The following SEC14L1 variants were observed in gnomAD, a reference collection of about 807,000 sequenced individuals.
SEC14L1 encodes the protein SEC14-like protein 1.
A neutral mutation model predicts 85.3 loss-of-function variants in SEC14L1; 48 were observed. That is an observed-to-expected ratio of 0.56 (90% CI 0.45 to 0.72). SEC14L1 has a LOEUF of 0.72. Among genes scored for constraint, SEC14L1 ranks in the 30% least tolerant of loss-of-function variants. The pLI, the probability that SEC14L1 is intolerant of heterozygous loss-of-function variation, is 0.00. For synonymous variants in SEC14L1, 391 were observed against 355.5 expected (o/e 1.10, Z -1.12); for missense variants, 682 against 921.4 (o/e 0.74, Z 3.36).
At chr17:77,173,196 C>T (rs1281845860) in intron 3 of SEC14L1, among the ~76,000 whole-genome samples, 1 of 152,120 alleles carries the variant, frequency 6.6e-6, no homozygotes, top group Non-Finnish European at 1.5e-5. Flanking sequence ...GGGGCACTTC[C>T]CTTAAGGGGA....
At chr17:77,135,850 C>A in intron 3 of SEC14L1, among the ~76,000 whole-genome samples, 1 of 148,058 alleles carries the variant, frequency 6.8e-6, no homozygotes, top group East Asian at 2.1e-4. Flanking sequence ...CTCTCTCTTT[C>A]CTTCTTTCCT....
In SEC14L1 at chr17:77,214,527, G is replaced by A; in HGVS notation, c.*504G>A. The A allele has an allele frequency of 1.0e-6, 1 of 995,762 alleles. No individual in the cohort carries two copies. Among genetic ancestry groups the A allele is most frequent in the Non-Finnish European group, 1.2e-6 (1 of 835,656 alleles). 61.7% of individuals were successfully genotyped at this position (995,762 alleles called of 1,614,324 possible). A position where few individuals can be genotyped will look rare whatever the true frequency, so the allele number is the denominator to read the frequency against. On this transcript the variant is annotated 3_prime_UTR_variant, in exon 17 of 17. Coordinates refer to ENST00000436233, the MANE Select transcript of SEC14L1 (RefSeq NM_001143998.2). ...CCAGTCAAGATGGTCTGTGGACTTA[G>A]GGCCAGCCCTTGAGGTCCTTATCCT...
In SEC14L1 at chr17:77,213,706, C is replaced by G; in HGVS notation, c.2043-212C>G. The G allele has an allele frequency of 2.3e-6, 2 of 860,120 alleles. No homozygotes were observed. The allele number at this position is 860,120 out of a possible 1,614,324, so 53.3% of individuals were successfully genotyped here. On this transcript the variant is annotated intron_variant, in intron 16 of 16. Transcript: ENST00000436233. This position sits in a 1 kb window ranked among gnomAD's most constrained non-coding sequence, Gnocchi z 7.1. Reference sequence around the variant, plus strand: ...GTCGGAGACAGAGCCGACTGACTGCCTTTGCTTTAGCTCACACTGCCGTCT... The same window carrying G: ...GTCGGAGACAGAGCCGACTGACTGCGTTTGCTTTAGCTCACACTGCCGTCT...
At chr17:77,181,825 G>C (rs1975051584) in intron 3 of SEC14L1, among the ~76,000 whole-genome samples, 2 of 152,082 alleles carry the variant, frequency 1.3e-5, no homozygotes, top group African/African-American at 4.8e-5. Flanking sequence ...TAGGCCCTCT[G>C]TAAAGAGCTG....
At chr17:77,107,398 A>G (rs1461231125) in intron 3 of SEC14L1, among the ~76,000 whole-genome samples, 1 of 151,970 alleles carries the variant, frequency 6.6e-6, no homozygotes, top group East Asian at 1.9e-4. Context: ...GAACGAAAAG[A>G]AAGAGTCTCC....
intron 3 of SEC14L1, among the ~76,000 whole-genome samples, chr17:77,160,566 T>TAAG (rs1315572712): frequency 6.6e-6 from 1 of 152,232 alleles, no homozygotes; most frequent in Non-Finnish European, 1.5e-5. Context: ...GCCTAGGGCT[T>TAAG]AAGTGATTGT....
In SEC14L1 at chr17:77,158,798, C is replaced by CTTTTTTTTTTTTTTTTTT. The variant is rs34186028; in HGVS notation, c.63+15155_63+15172dup. Among the ~76,000 whole-genome samples, 6 of 39,188 alleles carry CTTTTTTTTTTTTTTTTTT rather than the reference C, an allele frequency of 1.5e-4. 2 individuals are homozygous for CTTTTTTTTTTTTTTTTTT. Among genetic ancestry groups the CTTTTTTTTTTTTTTTTTT allele is most frequent in the Non-Finnish European group, 2.7e-4 (6 of 22,436 alleles). 25.7% of individuals were successfully genotyped at this position (39,188 alleles called of 152,430 possible). On this transcript the variant is annotated intron_variant, in intron 3 of 16. Coordinates refer to ENST00000436233, the MANE Select transcript of SEC14L1 (RefSeq NM_001143998.2). ...CAATTACATTTTATAGCTTTCTTTCCTTTTTTTTTTTTTTTTTTTTTTTTT... is the reference window on the plus strand; with the variant it reads ...CAATTACATTTTATAGCTTTCTTTCCTTTTTTTTTTTTTTTTTTTTTTTTTTTTTTTTTTTTTTTTTTT...
intron 3 of SEC14L1, among the ~76,000 whole-genome samples, chr17:77,147,518 C>CT (rs1198143047): frequency 6.6e-6 from 1 of 152,084 alleles, no homozygotes; most frequent in African/African-American, 2.4e-5. Flanking sequence ...GAGCTTTCAG[C>CT]GAGTTGGAGC....
At chr17:77,137,035 G>A (rs2678768), upstream of SEC14L1, among the ~76,000 whole-genome samples, 1 of 151,746 alleles carries the variant, frequency 6.6e-6, no homozygotes, top group Admixed American at 6.6e-5. Flanking sequence ...TCAGCCTCCA[G>A]AGTAGCTGGG....
intron 3 of SEC14L1, among the ~76,000 whole-genome samples, chr17:77,100,320 A>C (rs978361514): frequency 6.7e-6 from 1 of 149,052 alleles, no homozygotes; most frequent in Non-Finnish European, 1.5e-5. Flanking sequence ...AAAGGTGCCT[A>C]CCGCCCTGCG....
chr17:77,174,199 A>G (rs59023018), intron 3 of SEC14L1, among the ~76,000 whole-genome samples: 18,066 of 152,116 alleles, frequency 0.12, 1,263 homozygotes, highest in East Asian at 0.29. Flanking sequence ...GATTACAGGC[A>G]TGAGCCACTG....
rs749310310 is a variant in SEC14L1 at position 77,212,072 on chromosome 17, C to T, written c.1734C>T (p.Ser578=). The change falls in exon 15 of 17, where the codon TCC becomes TCT. Residue 578 remains serine (S), a synonymous_variant. Transcript: ENST00000436233. ...CGCCACAACCACCCAAAAAGGACTCCCTGGGAGCCCACAGCATCACCTCTC... is the reference window on the plus strand; with the variant it reads ...CGCCACAACCACCCAAAAAGGACTCTCTGGGAGCCCACAGCATCACCTCTC... The part of the protein sequence containing the change: ...KRSPQPPKKD[S]LGAHSITSPG... 1 of 1,614,170 alleles carries T rather than the reference C, an allele frequency of 6.2e-7. No homozygotes were observed. Among genetic ancestry groups the T allele is most frequent in the East Asian group, 2.2e-5 (1 of 44,890 alleles).
intron 2 of SEC14L1, among the ~76,000 whole-genome samples, chr17:77,093,034 C>G (rs1971556105): frequency 6.6e-6 from 1 of 151,686 alleles, no homozygotes; most frequent in East Asian, 1.9e-4. Context: ...GTGACCAGCC[C>G]TTGGCTCAGT....
intron 3 of SEC14L1, among the ~76,000 whole-genome samples, chr17:77,122,029 G>T (rs1972312029): frequency 6.6e-6 from 1 of 152,164 alleles, no homozygotes; most frequent in South Asian, 2.1e-4. Context: ...GGAAAACATT[G>T]ATATACTGGG....
At chr17:77,096,783 T>G (rs1971658944) in intron 3 of SEC14L1, among the ~76,000 whole-genome samples, 2 of 152,214 alleles carry the variant, frequency 1.3e-5, no homozygotes, top group African/African-American at 4.8e-5. Flanking sequence ...CAAAAAGTTA[T>G]GTCTGTTGTA....
chr17:77,108,827 C>CTTT (rs78214523), intron 3 of SEC14L1, among the ~76,000 whole-genome samples: 1 of 129,908 alleles, frequency 7.7e-6, no homozygotes, highest in Non-Finnish European at 1.7e-5. Flanking sequence ...TCATCTGTTT[C>CTTT]TTTTTTTTTT....
chr17:77,098,260 A>AG (rs1971694120), intron 3 of SEC14L1, among the ~76,000 whole-genome samples: 1 of 152,096 alleles, frequency 6.6e-6, no homozygotes, highest in Admixed American at 6.5e-5. Context: ...GCACTTTGGG[A>AG]GGCCAAGGCA....
intron 3 of SEC14L1, among the ~76,000 whole-genome samples, chr17:77,181,721 T>C (rs1043524040): frequency 2.6e-5 from 4 of 152,314 alleles, no homozygotes; most frequent in Non-Finnish European, 5.9e-5. Context: ...CAGCTAGTTA[T>C]GAGTTTTTCT....
intron 10 of SEC14L1, among the ~76,000 whole-genome samples, chr17:77,204,240 G>C (rs180907726): frequency 6.6e-6 from 1 of 151,846 alleles, no homozygotes; most frequent in Non-Finnish European, 1.5e-5. Context: ...TTTTTGAGAC[G>C]GAGTTTCACT....
Sources: gnomAD v4.1 joint callset for allele counts (sites outside exome capture counted in the v4.1 genomes callset) on GRCh38, gnomAD v4.1.1 for gene constraint, Gnocchi (gnomAD v3.1) non-coding constraint, MANE v1.5 for transcripts, NCBI Gene and HGNC (gene_info 2026-07-23, HGNC 2026-07-21) for gene names.